Variants in VDAC1 observed in about 807,000 individuals in gnomAD.
The protein encoded by VDAC1 is non-selective voltage-gated ion channel VDAC1.
A neutral mutation model predicts 34.7 loss-of-function variants in VDAC1; 10 were observed. That is an observed-to-expected ratio of 0.29 (90% CI 0.18 to 0.49). VDAC1 has a LOEUF of 0.49. VDAC1 is among the 20% of genes least tolerant of loss of function. The probability of loss-of-function intolerance (pLI) is 0.99; values close to 1 mark genes in which losing one functional copy is unlikely to be tolerated. For missense variants in VDAC1, 230 were observed against 347.9 expected, an observed-to-expected ratio of 0.66 and a Z score of 2.69; for synonymous variants, 130 against 136.0, an observed-to-expected ratio of 0.96 and a Z score of 0.30.
intron 6 of VDAC1, among the ~76,000 whole-genome samples, chr5:133,978,564 C>CAGCA (rs1697387288): frequency 6.6e-6 from 1 of 152,206 alleles, no homozygotes. Flanking sequence ...TACAATAAAA[C>CAGCA]AGCAGCCTGT....
At chr5:133,995,732 A>G (rs1031168802) in intron 1 of VDAC1, among the ~76,000 whole-genome samples, 5 of 152,230 alleles carry the variant, frequency 3.3e-5, no homozygotes, top group Non-Finnish European at 7.3e-5. Flanking sequence ...TTACAGCTAC[A>G]GACAGCACCC....
At chr5:134,081,437 C>T in the VDAC1 span, among the ~76,000 whole-genome samples, 1 of 152,174 alleles carries the variant, frequency 6.6e-6, no homozygotes, top group Non-Finnish European at 1.5e-5. Flanking sequence ...CCTCAGCCTC[C>T]CAAAGTACTG....
At chr5:134,068,918 C>T in the VDAC1 span, among the ~76,000 whole-genome samples, 1 of 151,372 alleles carries the variant, frequency 6.6e-6, no homozygotes, top group Non-Finnish European at 1.5e-5. Flanking sequence ...AATCAGTACA[C>T]TTATCTAAAG....
At chr5:134,088,575 GTT>G in the VDAC1 span, among the ~76,000 whole-genome samples, 1 of 152,228 alleles carries the variant, frequency 6.6e-6, no homozygotes, top group Non-Finnish European at 1.5e-5. Flanking sequence ...TTCAATGCCT[GTT>G]TTTGTTTTCT....
chr5:134,005,076 G>A (rs1753715224), upstream of VDAC1: 2 of 152,378 alleles, frequency 1.3e-5, no homozygotes, highest in South Asian at 4.1e-4. Flanking sequence ...CAGCGCTCGG[G>A]AAGGGGGAGG....
chr5:134,056,843 G>T, the VDAC1 span, among the ~76,000 whole-genome samples: 1 of 151,954 alleles, frequency 6.6e-6, no homozygotes, highest in African/African-American at 2.4e-5. Context: ...GCACCACCAC[G>T]CCCGGCTAAT....
chr5:133,981,372 A>C (rs1223437425), intron 5 of VDAC1, among the ~76,000 whole-genome samples: 1 of 152,240 alleles, frequency 6.6e-6, no homozygotes, highest in Non-Finnish European at 1.5e-5. Context: ...CTACCTAAAT[A>C]GCAGCTTTTA....
chr5:134,003,860 T>C (rs1053056026), intron 1 of VDAC1, among the ~76,000 whole-genome samples: 23 of 152,348 alleles, frequency 1.5e-4, no homozygotes, highest in African/African-American at 5.3e-4. Context: ...CCACTAAGAC[T>C]GCGGGCCTCT....
intron 5 of VDAC1, among the ~76,000 whole-genome samples, chr5:133,984,235 T>G (rs983061382): frequency 6.6e-6 from 1 of 152,048 alleles, no homozygotes; most frequent in African/African-American, 2.4e-5. Flanking sequence ...AGTGTGTGTG[T>G]GCATGTGGGT....
At chr5:134,029,742 T>G in the VDAC1 span, among the ~76,000 whole-genome samples, 3 of 152,220 alleles carry the variant, frequency 2.0e-5, no homozygotes, top group Non-Finnish European at 4.4e-5. Flanking sequence ...GATTAGTGGT[T>G]ACCAAGGGTT....
chr5:134,111,668 T>C, the VDAC1 span, among the ~76,000 whole-genome samples: 1 of 152,020 alleles, frequency 6.6e-6, no homozygotes, highest in Non-Finnish European at 1.5e-5. Context: ...GCCCCCTTCA[T>C]GCAACATGAG....
chr5:134,065,220 T>G, the VDAC1 span, among the ~76,000 whole-genome samples: 1 of 152,120 alleles, frequency 6.6e-6, no homozygotes, highest in South Asian at 2.1e-4. Context: ...TTTAATGATC[T>G]TCACTTCCAA....
At chr5:134,107,920 T>C in the VDAC1 span, among the ~76,000 whole-genome samples, 1 of 152,122 alleles carries the variant, frequency 6.6e-6, no homozygotes, top group African/African-American at 2.4e-5. Flanking sequence ...ACTGAGTAAG[T>C]GGAGAAGCTG....
the VDAC1 span, among the ~76,000 whole-genome samples, chr5:134,088,038 C>T: frequency 6.6e-6 from 1 of 151,558 alleles, no homozygotes; most frequent in African/African-American, 2.4e-5. Context: ...GCCTGTAATC[C>T]CAGCTACTCA....
At chr5:133,989,764 G>A (rs1753034761) in intron 5 of VDAC1, among the ~76,000 whole-genome samples, 1 of 152,002 alleles carries the variant, frequency 6.6e-6, no homozygotes, top group Non-Finnish European at 1.5e-5. Context: ...CCAGGTTCAA[G>A]CGATTCTCCT....
upstream of VDAC1, among the ~76,000 whole-genome samples, chr5:134,006,464 C>T (rs949133155): frequency 3.3e-5 from 5 of 152,246 alleles, no homozygotes; most frequent in East Asian, 7.7e-4. Flanking sequence ...CAATCTGGGC[C>T]GGGTGCAGTG....
chr5:134,090,578 G>T, the VDAC1 span, among the ~76,000 whole-genome samples: 8 of 152,122 alleles, frequency 5.3e-5, no homozygotes, highest in African/African-American at 1.9e-4. Flanking sequence ...ATGATTGGCT[G>T]TCCTCCCACC....
At chr5:134,062,114 G>T in the VDAC1 span, among the ~76,000 whole-genome samples, 1 of 151,550 alleles carries the variant, frequency 6.6e-6, no homozygotes, top group Non-Finnish European at 1.5e-5. Context: ...AGCCTCCTGA[G>T]TAGCTGGGAC....
At chr5:134,032,642 G>A in the VDAC1 span, among the ~76,000 whole-genome samples, 1 of 152,100 alleles carries the variant, frequency 6.6e-6, no homozygotes, top group Non-Finnish European at 1.5e-5. Flanking sequence ...AAGAGGAAAC[G>A]AATACAAATT....
Sources: gnomAD v4.1 joint callset for allele counts (sites outside exome capture counted in the v4.1 genomes callset) on GRCh38, gnomAD v4.1.1 for gene constraint, MANE v1.5 for transcripts, NCBI Gene and HGNC (gene_info 2026-07-23, HGNC 2026-07-21) for gene names.